Variants in STK32C observed in about 807,000 individuals in gnomAD.
STK32C encodes the protein serine/threonine kinase 32C.
Under a neutral mutation model 56.5 loss-of-function variants are expected in STK32C, and 31 were observed. That is an observed-to-expected ratio of 0.55 (90% confidence interval 0.41 to 0.74). The LOEUF (loss-of-function observed/expected upper bound fraction) is 0.74. Among genes scored for constraint, STK32C ranks in the 30% least tolerant of loss-of-function variants. The probability of loss-of-function intolerance (pLI) is 0.00; values close to 1 mark genes in which losing one functional copy is unlikely to be tolerated. For missense variants in STK32C, 544 were observed against 676.9 expected (o/e 0.80, Z 2.18); for synonymous variants, 309 against 289.4 (o/e 1.07, Z -0.69).
At position 132,280,122 on chromosome 10, in the gene STK32C, G is replaced by A. The variant is rs1436106642; in HGVS notation, c.262+27450C>T. 3.8e-5 allele frequency among the ~76,000 whole-genome samples: 5 copies of A among 131,002 alleles called. No homozygotes were observed. In the Admixed American group the frequency reaches 3.8e-4, roughly 10 times the overall value. The allele number at this position is 131,002 out of a possible 152,430, so 85.9% of individuals were successfully genotyped here. ...CCCTGCATTCCGTGATCACTCTGAG[G>A]CCTCCACTCTGTGATCACGCCCCTG... On this transcript the variant is annotated intron_variant, in intron 1 of 11. Transcript: ENST00000298630.
intron 2 of STK32C, among the ~76,000 whole-genome samples, chr10:132,229,732 G>A (rs1006234145): frequency 1.1e-4 from 17 of 152,338 alleles, no homozygotes; most frequent in Admixed American, 1.0e-3. Flanking sequence ...CAGTCCTTTT[G>A]TGAAGCAAAG....
At chr10:132,306,511 G>A (rs1457408047) in intron 1 of STK32C, among the ~76,000 whole-genome samples, 2 of 152,230 alleles carry the variant, frequency 1.3e-5, no homozygotes, top group Non-Finnish European at 2.9e-5. Flanking sequence ...GTCTCCCGGA[G>A]GAACGGCGGT....
At chr10:132,314,476 A>G (rs185783104) in intron 1 of STK32C, among the ~76,000 whole-genome samples, 3 of 152,352 alleles carry the variant, frequency 2.0e-5, no homozygotes, top group African/African-American at 4.8e-5. Flanking sequence ...GGACACAAGG[A>G]AAATAAAGAG....
At chr10:132,262,497 G>T (rs565201099) in intron 1 of STK32C, among the ~76,000 whole-genome samples, 14 of 152,198 alleles carry the variant, frequency 9.2e-5, no homozygotes, top group African/African-American at 3.4e-4. Context: ...AGAAGAAACA[G>T]AAAACCTACA....
At chr10:132,267,710 T>C (rs11146291) in intron 1 of STK32C, among the ~76,000 whole-genome samples, 21,299 of 107,514 alleles carry the variant, frequency 0.2, 2,952 homozygotes, top group Non-Finnish European at 0.28. Context: ...CAGCTCTATG[T>C]CTATGTGCAT....
intron 1 of STK32C, chr10:132,249,104 C>A (rs776004452): frequency 2.1e-6 from 1 of 470,876 alleles, no homozygotes; most frequent in Admixed American, 2.2e-5. Context: ...AGCAGCAAGG[C>A]GCATGCGTGC....
intron 1 of STK32C, among the ~76,000 whole-genome samples, chr10:132,296,552 A>G (rs1388639465): frequency 3.3e-5 from 5 of 152,246 alleles, no homozygotes; most frequent in Non-Finnish European, 7.3e-5. Flanking sequence ...CATGTTTTCC[A>G]GTACGAACTG....
chr10:132,329,097 A>G (rs2066573824), intron 1 of STK32C, among the ~76,000 whole-genome samples: 1 of 152,244 alleles, frequency 6.6e-6, no homozygotes, highest in African/African-American at 2.4e-5. Context: ...AATAAAGCAC[A>G]GTTTAAAATA....
At chr10:132,269,913 C>A (rs1321694923) in intron 1 of STK32C, among the ~76,000 whole-genome samples, 1 of 152,272 alleles carries the variant, frequency 6.6e-6, no homozygotes, top group African/African-American at 2.4e-5. Flanking sequence ...GGCCTCCCAG[C>A]CACGTGGGCC....
chr10:132,225,715 C>A, intron 5 of STK32C, 32 bp downstream of exon 5: 1 of 1,613,910 alleles, frequency 6.2e-7, no homozygotes, highest in Non-Finnish European at 8.5e-7. Context: ...TGCCACCACC[C>A]ACCTGGGCTG....
intron 1 of STK32C, among the ~76,000 whole-genome samples, chr10:132,290,755 G>A (rs1205401030): frequency 1.3e-5 from 2 of 152,126 alleles, no homozygotes; most frequent in East Asian, 1.9e-4. Context: ...TGTTCACAGG[G>A]CCACCACATC....
chr10:132,231,948 A>G (rs2063116240), intron 2 of STK32C, among the ~76,000 whole-genome samples: 1 of 152,234 alleles, frequency 6.6e-6, no homozygotes, highest in South Asian at 2.1e-4. Flanking sequence ...CTCCAGGACT[A>G]CAAGAGAAAC....
intron 8 of STK32C, among the ~76,000 whole-genome samples, chr10:132,224,128 C>A (rs2062786714): frequency 6.6e-6 from 1 of 152,134 alleles, no homozygotes; most frequent in African/African-American, 2.4e-5. Context: ...GGCGCACAAG[C>A]CTGCTGTGAG....
chr10:132,231,740 G>T (rs151312760), intron 2 of STK32C, among the ~76,000 whole-genome samples: 12 of 152,212 alleles, frequency 7.9e-5, no homozygotes, highest in Admixed American at 2.0e-4. Flanking sequence ...AGAAGATGAC[G>T]CAGGCATGGG....
Position 132,223,070 on chromosome 10 carries a change from T to C in STK32C, c.994-84A>G, listed in dbSNP as rs2062741018. 15 of 1,486,490 alleles carry C rather than the reference T, an allele frequency of 1.0e-5. No homozygotes were observed. In the East Asian group the frequency reaches 3.7e-4, roughly 37 times the overall value. The allele number at this position is 1,486,490 out of a possible 1,614,324, so 92.1% of individuals were successfully genotyped here. Reference sequence around the variant, plus strand: ...CCGCCACCCCCAGGCCAGGGCACCTTGAGGAGGGTCCCACCAAGCCTGAGG... The same window carrying C: ...CCGCCACCCCCAGGCCAGGGCACCTCGAGGAGGGTCCCACCAAGCCTGAGG... On this transcript the variant is annotated intron_variant, in intron 8 of 11. Transcript: ENST00000298630.
chr10:132,240,545 G>C (rs1272445192), intron 2 of STK32C, among the ~76,000 whole-genome samples: 2 of 152,208 alleles, frequency 1.3e-5, no homozygotes, highest in East Asian at 3.9e-4. Flanking sequence ...TCCTCTTCTT[G>C]CCTCTCTGTT....
chr10:132,270,819 G>A (rs1464359273), intron 1 of STK32C, among the ~76,000 whole-genome samples: 4 of 152,142 alleles, frequency 2.6e-5, no homozygotes, highest in Admixed American at 2.6e-4. Flanking sequence ...CTGCGGAGTG[G>A]CCCAGGGCTT....
At chr10:132,211,089 C>A (rs2062284099) in intron 10 of STK32C, among the ~76,000 whole-genome samples, 1 of 152,224 alleles carries the variant, frequency 6.6e-6, no homozygotes, top group Non-Finnish European at 1.5e-5. Context: ...TCACTGTGGC[C>A]TCCCCTAAAG....
chr10:132,331,513 C>T, exon 1 of STK32C: 2 of 1,612,942 alleles, frequency 1.2e-6, no homozygotes, highest in Non-Finnish European at 1.7e-6. Flanking sequence ...AGTCTGCGTT[C>T]CCCTGGCAGC....
Sources: gnomAD v4.1 joint callset for allele counts (sites outside exome capture counted in the v4.1 genomes callset) on GRCh38, gnomAD v4.1.1 for gene constraint, MANE v1.5 for transcripts, NCBI Gene and HGNC (gene_info 2026-07-23, HGNC 2026-07-21) for gene names.